Variants in LRRTM4 observed in about 807,000 individuals in gnomAD.
The protein encoded by LRRTM4 is leucine-rich repeat transmembrane neuronal protein 4.
LRRTM4 carries 25 observed loss-of-function variants against 47.6 expected under a neutral mutation model. The observed-to-expected ratio is 0.53, with a 90% CI of 0.38 to 0.73. LRRTM4 has a LOEUF of 0.73. Ranked by LOEUF, LRRTM4 falls within the 30% of genes least tolerant of loss-of-function variation. LRRTM4 has a pLI of 0.00. For missense variants in LRRTM4, 638 were observed against 713.4 expected, an observed-to-expected ratio of 0.89 and a Z score of 1.20; for synonymous variants, 311 against 269.5, an observed-to-expected ratio of 1.15 and a Z score of -1.51.
intron 3 of LRRTM4, among the ~76,000 whole-genome samples, chr2:77,165,899 C>T (rs372817507): frequency 6.6e-6 from 1 of 152,116 alleles, no homozygotes; most frequent in Admixed American, 6.6e-5. Context: ...GAAAACTGGC[C>T]CAAGACAGGG....
chr2:77,472,877 C>T lies in LRRTM4; in HGVS notation c.1551+45441G>A, dbSNP rs1476012175. Among the ~76,000 whole-genome samples the T allele has an allele frequency of 7.9e-5, 12 of 152,120 alleles. No homozygotes were observed. In the East Asian group the frequency reaches 2.1e-3, roughly 27 times the overall value. ...GGAAGGAATAAATGAATGAATTAAA[C>T]AAGTCAATATCAGGTATATATAATT... is the stretch of plus-strand genomic sequence containing the variant. On this transcript the variant is annotated intron_variant, in intron 3 of 3. Coordinates refer to ENST00000409884, the MANE Select transcript of LRRTM4 (RefSeq NM_001134745.3).
intron 3 of LRRTM4, among the ~76,000 whole-genome samples, chr2:77,204,881 TG>T (rs894155332): frequency 6.6e-6 from 1 of 152,130 alleles, no homozygotes; most frequent in Non-Finnish European, 1.5e-5. Context: ...CAGGTAAGAA[TG>T]TAGTAATTAA....
intron 3 of LRRTM4, among the ~76,000 whole-genome samples, chr2:77,467,780 A>C (rs1677035099): frequency 6.6e-6 from 1 of 152,188 alleles, no homozygotes; most frequent in Non-Finnish European, 1.5e-5. Flanking sequence ...GAGTGGTCAT[A>C]AGTTTGGATG....
chr2:76,959,257 T>G (rs760538269), intron 3 of LRRTM4, among the ~76,000 whole-genome samples: 11 of 151,730 alleles, frequency 7.2e-5, no homozygotes, highest in Non-Finnish European at 1.6e-4. Context: ...CATCATGATA[T>G]CAATTTTAAA....
At chr2:77,347,115 T>G (rs1671593478) in intron 3 of LRRTM4, among the ~76,000 whole-genome samples, 1 of 152,144 alleles carries the variant, frequency 6.6e-6, no homozygotes, top group South Asian at 2.1e-4. Context: ...TGTCTCTGAT[T>G]TGATAACACT....
chr2:77,411,360 G>A (rs1216607739), intron 3 of LRRTM4, among the ~76,000 whole-genome samples: 2 of 151,852 alleles, frequency 1.3e-5, no homozygotes, highest in African/African-American at 4.8e-5. Flanking sequence ...ATTGGATGCC[G>A]GGGTCTTCGA....
At chr2:77,024,024 G>A (rs536841330) in intron 3 of LRRTM4, among the ~76,000 whole-genome samples, 7 of 152,220 alleles carry the variant, frequency 4.6e-5, no homozygotes, top group South Asian at 4.1e-4. Context: ...ATGATCGGGC[G>A]CAAAAGTGCT....
intron 3 of LRRTM4, among the ~76,000 whole-genome samples, chr2:76,951,663 A>G (rs13401337): frequency 0.59 from 90,252 of 151,796 alleles, 29,132 homozygotes; most frequent in African/African-American, 0.85. Context: ...TATGCAGAAC[A>G]TGCAGGTTTG....
At chr2:77,054,237 A>T (rs551981038) in intron 3 of LRRTM4, among the ~76,000 whole-genome samples, 3 of 152,314 alleles carry the variant, frequency 2.0e-5, no homozygotes, top group Non-Finnish European at 2.9e-5. Context: ...CAAATGTGCA[A>T]ATGTTTAGAA....
chr2:76,779,862 G>A (rs1441152305), intron 3 of LRRTM4, among the ~76,000 whole-genome samples: 5 of 152,042 alleles, frequency 3.3e-5, no homozygotes. Flanking sequence ...AGTCTTGATG[G>A]TCTTTACATT....
intron 3 of LRRTM4, among the ~76,000 whole-genome samples, chr2:77,312,607 T>G (rs1200578498): frequency 6.6e-6 from 1 of 152,070 alleles, no homozygotes; most frequent in Non-Finnish European, 1.5e-5. Context: ...AATTACGTAT[T>G]TGGTTCTTAA....
intron 3 of LRRTM4, among the ~76,000 whole-genome samples, chr2:76,797,730 G>T (rs1675423494): frequency 6.6e-6 from 1 of 151,254 alleles, no homozygotes; most frequent in Admixed American, 6.6e-5. Context: ...CATCTCACGT[G>T]CAGAGACACA....
At chr2:77,497,069 A>G (rs1295175593) in intron 3 of LRRTM4, among the ~76,000 whole-genome samples, 2 of 151,692 alleles carry the variant, frequency 1.3e-5, no homozygotes, top group South Asian at 2.1e-4. Flanking sequence ...CTAAGTTATT[A>G]AAGTAATCTG....
At chr2:77,311,785 G>T (rs868427825) in intron 3 of LRRTM4, among the ~76,000 whole-genome samples, 6 of 152,086 alleles carry the variant, frequency 3.9e-5, no homozygotes, top group African/African-American at 1.4e-4. Flanking sequence ...TTAAGAAAGA[G>T]AAAACAAAAA....
At chr2:77,006,778 C>T (rs940076862) in intron 3 of LRRTM4, among the ~76,000 whole-genome samples, 3 of 152,102 alleles carry the variant, frequency 2.0e-5, no homozygotes, top group Non-Finnish European at 4.4e-5. Context: ...TGGGAACAAG[C>T]TGCTCACAAG....
At position 77,313,406 on chromosome 2, in the gene LRRTM4, G is replaced by A. The variant is rs552206452; in HGVS notation, c.1551+204912C>T. Among the ~76,000 whole-genome samples, 255 of 144,130 alleles carry A rather than the reference G, an allele frequency of 1.8e-3. 2 individuals carry two copies. Among genetic ancestry groups the A allele is most frequent in the African/African-American group, 6.4e-3 (237 of 36,900 alleles). The allele number at this position is 144,130 out of a possible 152,430, so 94.6% of individuals were successfully genotyped here. Reference sequence around the variant, plus strand: ...CTGGTGCTGTGATGTGCCTCCCTACGTTTTCCTGGGACCTGCTGCTGTGAT... The same window carrying A: ...CTGGTGCTGTGATGTGCCTCCCTACATTTTCCTGGGACCTGCTGCTGTGAT... On this transcript the variant is annotated intron_variant, in intron 3 of 3. Coordinates refer to ENST00000409884, the MANE Select transcript of LRRTM4 (RefSeq NM_001134745.3).
chr2:76,845,076 G>A (rs1671799457), intron 3 of LRRTM4, among the ~76,000 whole-genome samples: 1 of 152,106 alleles, frequency 6.6e-6, no homozygotes. Flanking sequence ...GCTGGAGAAT[G>A]GGCGTTTTGT....
chr2:77,030,379 G>A (rs13412686), intron 3 of LRRTM4, among the ~76,000 whole-genome samples: 19,594 of 152,218 alleles, frequency 0.13, 4,094 homozygotes, highest in African/African-American at 0.44. Flanking sequence ...GTTGCAATGA[G>A]CTGAGATCAT....
At chr2:76,807,068 G>A (rs912484364) in intron 3 of LRRTM4, among the ~76,000 whole-genome samples, 2 of 151,908 alleles carry the variant, frequency 1.3e-5, no homozygotes, top group Admixed American at 1.3e-4. Context: ...AAATAAAATA[G>A]GCTGCTTCTA....
Sources: allele counts gnomAD v4.1 joint callset (sites outside exome capture counted in the v4.1 genomes callset), GRCh38; gene constraint gnomAD v4.1.1; transcripts MANE v1.5; gene names NCBI Gene and HGNC (gene_info 2026-07-23, HGNC 2026-07-21).